MBTD1: variants seen among roughly 807,000 people sequenced by gnomAD.
MBTD1 encodes the protein mbt domain containing 1, also known as MBT domain-containing protein 1.
MBTD1 carries 24 observed loss-of-function variants against 87.8 expected under a neutral mutation model. That is an observed-to-expected ratio of 0.27 (90% CI 0.20 to 0.38). The LOEUF (loss-of-function observed/expected upper bound fraction) is 0.38, where lower values mean the gene tolerates loss of function less well. MBTD1 is among the 10% of genes least tolerant of loss of function. MBTD1 has a pLI of 1.00. For missense variants in MBTD1, 436 were observed against 760.2 expected (o/e 0.57, Z 5.02); for synonymous variants, 237 against 248.6 (o/e 0.95, Z 0.44).
At chr17:51,235,569 G>A (rs776988987) in intron 2 of MBTD1, among the ~76,000 whole-genome samples, 2 of 152,120 alleles carry the variant, frequency 1.3e-5, no homozygotes, top group Non-Finnish European at 2.9e-5. Flanking sequence ...TAAATTCACC[G>A]CATTAACAGA....
In MBTD1 at chr17:51,179,614, T is replaced by C. The variant is rs9905925; in HGVS notation, c.*962A>G. On this transcript the variant is annotated 3_prime_UTR_variant, in exon 17 of 17. Coordinates refer to ENST00000586178, the MANE Select transcript of MBTD1 (RefSeq NM_017643.3). ...AGGATAGATAAAAGCAGAGCTGGAATGATTTTGAAATCTAAACTTATTTTG... is the reference window on the plus strand; with the variant it reads ...AGGATAGATAAAAGCAGAGCTGGAACGATTTTGAAATCTAAACTTATTTTG... The C allele has an allele frequency of 5.0e-3, 731 of 147,622 alleles. 6 individuals are homozygous for C. Among genetic ancestry groups the C allele is most frequent in the African/African-American group, 0.016 (663 of 40,470 alleles). The allele number at this position is 147,622 out of a possible 1,614,324, so 9.1% of individuals were successfully genotyped here. A position where few individuals can be genotyped will look rare whatever the true frequency, so the allele number is the denominator to read the frequency against.
At position 51,192,231 on chromosome 17, in the gene MBTD1, C is replaced by T; in HGVS notation, c.1740G>A (p.Lys580=). 1.9e-6 allele frequency: 3 copies of T among 1,551,352 alleles called. No individual in the cohort carries two copies. The highest frequency in any genetic ancestry group is 2.6e-6 in the Non-Finnish European group (3 of 1,146,834). ...SASSKQKKKA[K]SQQYKGHKKM... ...TCTTATGTCCTTTGTATTGCTGGGA[C>T]TTAGCCTTTTTCTTCTGTTTTGATG... Residue 580 remains lysine (K), a synonymous_variant, in exon 16 of 17, where the codon AAG becomes AAA. Transcript: ENST00000586178.
chr17:51,217,793 G>C (rs1025103299), intron 5 of MBTD1, among the ~76,000 whole-genome samples: 1 of 152,140 alleles, frequency 6.6e-6, no homozygotes, highest in African/African-American at 2.4e-5. Context: ...ATTTTTAGTA[G>C]AGACGGGGTT....
rs899348191 is a variant in MBTD1 at position 51,181,786 on chromosome 17, T to A, written c.1769-1092A>T. Among the ~76,000 whole-genome samples the A allele has an allele frequency of 6.6e-5, 10 of 152,228 alleles. No homozygotes were observed. In the East Asian group the frequency reaches 1.5e-3, roughly 23 times the overall value. Reference sequence around the variant, plus strand: ...CAAAGCTGAGTGCCTGCCTGAGTTCTTATCTGATGACTTACTTTTTAACAA... The same window carrying A: ...CAAAGCTGAGTGCCTGCCTGAGTTCATATCTGATGACTTACTTTTTAACAA... On this transcript the variant is annotated intron_variant, in intron 16 of 16. Coordinates refer to ENST00000586178, the MANE Select transcript of MBTD1 (RefSeq NM_017643.3).
At chr17:51,260,437 T>A (rs147126486), upstream of MBTD1, 3 of 839,546 alleles carry the variant, frequency 3.6e-6, no homozygotes, top group African/African-American at 5.4e-5. Context: ...GGGAGTTACG[T>A]AGAGGGAGGG....
intron 3 of MBTD1, among the ~76,000 whole-genome samples, chr17:51,223,719 C>T (rs977967658): frequency 6.6e-6 from 1 of 152,040 alleles, no homozygotes; most frequent in Non-Finnish European, 1.5e-5. Context: ...GCCTGTAGTC[C>T]CAGCTACTTG....
intron 2 of MBTD1, among the ~76,000 whole-genome samples, chr17:51,232,318 C>T (rs1159109577): frequency 6.6e-6 from 1 of 151,990 alleles, no homozygotes; most frequent in Non-Finnish European, 1.5e-5. Context: ...AGCATTCCCA[C>T]CAATTTTATC....
chr17:51,203,620 C>G (rs2051624810), intron 8 of MBTD1, among the ~76,000 whole-genome samples, 171 bp downstream of exon 8: 1 of 152,206 alleles, frequency 6.6e-6, no homozygotes, highest in South Asian at 2.1e-4. Flanking sequence ...TGGTCTCAAA[C>G]TCCTGACCTC....
At chr17:51,252,948 A>C (rs1391752270) in intron 2 of MBTD1, among the ~76,000 whole-genome samples, 1 of 151,894 alleles carries the variant, frequency 6.6e-6, no homozygotes, top group Non-Finnish European at 1.5e-5. Context: ...AGAATTAGAG[A>C]GATAGATACT....
chr17:51,256,210 G>A (rs2055079464), intron 2 of MBTD1: 1 of 152,190 alleles, frequency 6.6e-6, no homozygotes, highest in African/African-American at 2.4e-5. Flanking sequence ...CATAACATCT[G>A]AGTGGAGGTT....
At chr17:51,194,370 G>C (rs1386641371) in intron 13 of MBTD1, among the ~76,000 whole-genome samples, 1 of 151,992 alleles carries the variant, frequency 6.6e-6, no homozygotes, top group African/African-American at 2.4e-5. Flanking sequence ...AGGAGTTCGT[G>C]ATGAGCCTGG....
chr17:51,235,614 C>T (rs1349418288), intron 2 of MBTD1, among the ~76,000 whole-genome samples: 1 of 152,156 alleles, frequency 6.6e-6, no homozygotes, highest in Non-Finnish European at 1.5e-5. Flanking sequence ...TTGAAATATG[C>T]AGAAAATGCA....
At chr17:51,186,914 C>T (rs1331790485) in intron 16 of MBTD1, among the ~76,000 whole-genome samples, 2 of 152,090 alleles carry the variant, frequency 1.3e-5, no homozygotes, top group Non-Finnish European at 2.9e-5. Flanking sequence ...TTTTAGGTAG[C>T]ATTTCATAGC....
chr17:51,239,815 T>C (rs1223116836), intron 2 of MBTD1, among the ~76,000 whole-genome samples: 3 of 152,192 alleles, frequency 2.0e-5, no homozygotes, highest in Non-Finnish European at 4.4e-5. Context: ...TCCTTCAATG[T>C]GCCTTTCCTA....
chr17:51,187,707 G>A (rs559635095), intron 16 of MBTD1, among the ~76,000 whole-genome samples: 9 of 151,926 alleles, frequency 5.9e-5, no homozygotes, highest in African/African-American at 1.4e-4. Flanking sequence ...AAAATTAGCC[G>A]TAAGTAGTGG....
chr17:51,224,985 A>C, intron 3 of MBTD1, 23 bp downstream of exon 3: 1 of 1,459,756 alleles, frequency 6.9e-7, no homozygotes, highest in South Asian at 1.3e-5. Context: ...GCTGTAGAAC[A>C]GGTGAAGGTT....
chr17:51,199,090 G>A (rs1018368875), intron 12 of MBTD1, among the ~76,000 whole-genome samples: 3 of 151,708 alleles, frequency 2.0e-5, no homozygotes, highest in East Asian at 1.9e-4. Flanking sequence ...GGCACTGCAC[G>A]CAGTCTTTAT....
At chr17:51,209,143 TG>T (rs2052025761) in intron 6 of MBTD1, among the ~76,000 whole-genome samples, 2 of 152,380 alleles carry the variant, frequency 1.3e-5, no homozygotes, top group East Asian at 3.9e-4. Context: ...TCTGCCCTTT[TG>T]TTTAAAATGA....
chr17:51,225,254 C>T (rs1469854470), intron 2 of MBTD1, 45 bp from the exon 3 acceptor site: 3 of 1,103,566 alleles, frequency 2.7e-6, no homozygotes, highest in Admixed American at 3.3e-5. Context: ...AACACTCATA[C>T]ACACCCCCTA....
Sources: allele counts gnomAD v4.1 joint callset (sites outside exome capture counted in the v4.1 genomes callset), GRCh38; gene constraint gnomAD v4.1.1; transcripts MANE v1.5; gene names NCBI Gene and HGNC (gene_info 2026-07-23, HGNC 2026-07-21).